The following NSA2 variants were observed in gnomAD, a reference collection of about 807,000 sequenced individuals.
NSA2 encodes ribosome biogenesis protein NSA2 homolog.
In NSA2, 18 loss-of-function variants were observed where a neutral mutation model predicts 34.8. That is an observed-to-expected ratio of 0.52 (90% CI 0.36 to 0.77). NSA2 has a LOEUF of 0.77. NSA2 is among the 30% of genes least tolerant of loss of function. The probability of loss-of-function intolerance (pLI) is 0.00; values close to 1 mark genes in which losing one functional copy is unlikely to be tolerated. For synonymous variants in NSA2, 79 were observed against 100.2 expected, an observed-to-expected ratio of 0.79 and a Z score of 1.26; for missense variants, 188 against 314.7, an observed-to-expected ratio of 0.60 and a Z score of 3.05.
rs983141587 is a variant in NSA2, at chr5:74,779,815, G to A, written c.*3144G>A. 7 of 152,076 alleles carry A rather than the reference G, an allele frequency of 4.6e-5. No individual in the cohort carries two copies. The highest frequency in any genetic ancestry group is 1.9e-4 in the East Asian group (1 of 5,192). 9.4% of individuals were successfully genotyped at this position (152,076 alleles called of 1,614,324 possible). ...TCTGCTTTAAGATTTTAACTTGATC[G>A]AAAATACCAACATCCCCAAACAAAA... is the stretch of plus-strand genomic sequence containing the variant. On this transcript the variant is annotated 3_prime_UTR_variant, in exon 6 of 6. Transcript: ENST00000610426.
chr5:74,768,947 T>C lies in NSA2; in HGVS notation c.20T>C (p.Ile7Thr). The change falls in exon 2 of 6, where the codon ATT becomes ACT. Residue 7 changes from isoleucine to threonine, a missense_variant. Ile to Thr is a moderately conservative substitution (Grantham distance 89). Transcript: ENST00000610426. Reference protein sequence around the residue: MPQNEYIELHRKRYGYR... With the variant: MPQNEYTELHRKRYGYR... Reference sequence around the variant, plus strand: ...TCATTATAGCCACAGAATGAATATATTGAATTACACCGTAAACGCTATGGA... The same window carrying C: ...TCATTATAGCCACAGAATGAATATACTGAATTACACCGTAAACGCTATGGA... The C allele has an allele frequency of 6.3e-7, 1 of 1,578,768 alleles. No individual in the cohort carries two copies. The highest frequency in any genetic ancestry group is 8.6e-7 in the Non-Finnish European group (1 of 1,168,690).
At chr5:74,773,470 C>CAAAAAAAAAA in intron 4 of NSA2, among the ~76,000 whole-genome samples, 1 of 98,994 alleles carries the variant, frequency 1.0e-5, no homozygotes. Flanking sequence ...CCATCTCTAC[C>CAAAAAAAAAA]AAAAAAAAAA....
At chr5:74,767,999 A>G (rs1292633124) in intron 1 of NSA2, among the ~76,000 whole-genome samples, 1 of 152,222 alleles carries the variant, frequency 6.6e-6, no homozygotes, top group Non-Finnish European at 1.5e-5. Flanking sequence ...GCTTTGTATC[A>G]TTTTTATTTT....
chr5:74,775,160 G>C (rs892754361), intron 5 of NSA2, among the ~76,000 whole-genome samples: 1 of 152,186 alleles, frequency 6.6e-6, no homozygotes, highest in African/African-American at 2.4e-5. Context: ...AGCTTGCAGT[G>C]AGCTGAGATC....
At chr5:74,773,430 T>C (rs1181219457) in intron 4 of NSA2, among the ~76,000 whole-genome samples, 1 of 128,222 alleles carries the variant, frequency 7.8e-6, no homozygotes, top group Admixed American at 8.5e-5. Context: ...AGCCCAGGAG[T>C]CCAAGACCAG....
chr5:74,773,650 G>T (rs1476337499), intron 4 of NSA2, among the ~76,000 whole-genome samples: 1 of 152,010 alleles, frequency 6.6e-6, no homozygotes, highest in Non-Finnish European at 1.5e-5. Flanking sequence ...AAAAGAAAAA[G>T]AAATTCTTAA....
intron 4 of NSA2, among the ~76,000 whole-genome samples, chr5:74,771,823 C>T (rs964284133): frequency 7.0e-6 from 1 of 143,818 alleles, no homozygotes; most frequent in Non-Finnish European, 1.5e-5. Context: ...CACTGCACTC[C>T]AGCCTGGGGG....
chr5:74,768,201 A>C (rs906572219), intron 1 of NSA2, among the ~76,000 whole-genome samples: 1 of 152,234 alleles, frequency 6.6e-6, no homozygotes, highest in Non-Finnish European at 1.5e-5. Context: ...GTAATCACCC[A>C]AAACTGGGAA....
chr5:74,772,261 A>G (rs980557046), intron 4 of NSA2, among the ~76,000 whole-genome samples: 4 of 151,202 alleles, frequency 2.6e-5, no homozygotes, highest in African/African-American at 9.7e-5. Context: ...AGTAGCTGGG[A>G]CTATAGGTGC....
chr5:74,769,386 C>T, intron 3 of NSA2, 22 bp downstream of exon 3: 1 of 1,562,996 alleles, frequency 6.4e-7, no homozygotes, highest in Non-Finnish European at 8.6e-7. Context: ...CAATTGAAGT[C>T]TTTGTTTTGT....
chr5:74,769,485 G>C, intron 3 of NSA2, 121 bp downstream of exon 3: 1 of 731,736 alleles, frequency 1.4e-6, no homozygotes, highest in South Asian at 3.8e-5. Context: ...CCATTATTTA[G>C]ATGTTGAAGT....
rs1241982783 is a variant in NSA2 at position 74,779,030 on chromosome 5, C to T, written c.*2359C>T. On this transcript the variant is annotated 3_prime_UTR_variant, in exon 6 of 6. Coordinates refer to ENST00000610426, the MANE Select transcript of NSA2 (RefSeq NM_014886.6). ...GGTTTTTCCAAGTGATCTAACTTTT[C>T]CCTCTATAATCTATAAACCCCAAAA... is the stretch of plus-strand genomic sequence containing the variant. 6.6e-6 allele frequency: 1 copy of T among 152,044 alleles called. No individual in the cohort carries two copies. Among genetic ancestry groups the T allele is most frequent in the African/African-American group, 2.4e-5 (1 of 41,424 alleles). The allele number at this position is 152,044 out of a possible 1,614,324, so 9.4% of individuals were successfully genotyped here. A position where few individuals can be genotyped will look rare whatever the true frequency, so the allele number is the denominator to read the frequency against.
chr5:74,773,078 G>A (rs1163156059), intron 4 of NSA2, among the ~76,000 whole-genome samples: 4 of 152,052 alleles, frequency 2.6e-5, no homozygotes, highest in Admixed American at 6.6e-5. Context: ...TAAAGACTTG[G>A]AATCAGGATA....
intron 4 of NSA2, among the ~76,000 whole-genome samples, chr5:74,771,863 AAAAAAAGAAAAAAAG>A (rs914982116): frequency 9.4e-6 from 1 of 106,788 alleles, no homozygotes; most frequent in Non-Finnish European, 1.8e-5. Flanking sequence ...CAAAAAAAAA[AAAAAAAGAAAAAAAG>A]AAAAAGAAAA....
chr5:74,770,918 G>A, intron 4 of NSA2, 108 bp downstream of exon 4: 3 of 870,240 alleles, frequency 3.4e-6, no homozygotes, highest in Non-Finnish European at 5.0e-6. Flanking sequence ...GGAACAGGTT[G>A]AAAGATATTT....
intron 5 of NSA2, among the ~76,000 whole-genome samples, chr5:74,775,768 T>A (rs527269841): frequency 1.6e-4 from 24 of 151,898 alleles, no homozygotes; most frequent in African/African-American, 4.8e-4. Context: ...TCACACTAGA[T>A]CAGTAATAAT....
chr5:74,770,869 A>C, intron 4 of NSA2, 59 bp downstream of exon 4: 3 of 1,238,364 alleles, frequency 2.4e-6, no homozygotes, highest in Non-Finnish European at 3.3e-6. Flanking sequence ...AAATCGGATA[A>C]AGAACATTAT....
In NSA2 at chr5:74,777,160, C is replaced by T. The variant is rs1745161276; in HGVS notation, c.*489C>T. 6.6e-6 allele frequency: 1 copy of T among 152,430 alleles called. No individual in the cohort carries two copies. Among genetic ancestry groups the T allele is most frequent in the Non-Finnish European group, 1.5e-5 (1 of 68,212 alleles). 9.4% of individuals were successfully genotyped at this position (152,430 alleles called of 1,614,324 possible). A position where few individuals can be genotyped will look rare whatever the true frequency, so the allele number is the denominator to read the frequency against. Reference sequence around the variant, plus strand: ...AAAAGTTCAGAAATCTTAGAGAAATCTTTTCACCTGTGAAATCCAGTACAG... The same window carrying T: ...AAAAGTTCAGAAATCTTAGAGAAATTTTTTCACCTGTGAAATCCAGTACAG... On this transcript the variant is annotated 3_prime_UTR_variant, in exon 6 of 6. Coordinates refer to ENST00000610426, the MANE Select transcript of NSA2 (RefSeq NM_014886.6).
intron 5 of NSA2, among the ~76,000 whole-genome samples, chr5:74,775,892 T>A (rs1745098877): frequency 2.6e-5 from 4 of 152,162 alleles, no homozygotes. Context: ...TACAACTTCT[T>A]CAGTCATTGG....
Sources: allele counts gnomAD v4.1 joint callset (sites outside exome capture counted in the v4.1 genomes callset), GRCh38; gene constraint gnomAD v4.1.1; transcripts MANE v1.5; gene names NCBI Gene and HGNC (gene_info 2026-07-23, HGNC 2026-07-21).